Variants in DPP6 observed in about 807,000 individuals in gnomAD.
The protein encoded by DPP6 is A-type potassium channel modulatory protein DPP6.
In DPP6, 69 loss-of-function variants were observed where a neutral mutation model predicts 122.6. The observed-to-expected ratio is 0.56, with a 90% CI of 0.46 to 0.69. The LOEUF (loss-of-function observed/expected upper bound fraction) is 0.69, where lower values mean the gene tolerates loss of function less well. DPP6 is among the 30% of genes least tolerant of loss of function. The pLI is 0.00. For missense variants in DPP6, 928 were observed against 1,116.9 expected, an observed-to-expected ratio of 0.83 and a Z score of 2.41; for synonymous variants, 418 against 433.1, an observed-to-expected ratio of 0.97 and a Z score of 0.43.
chr7:154,191,566 A>G (rs1798619717), intron 1 of DPP6, among the ~76,000 whole-genome samples: 1 of 152,174 alleles, frequency 6.6e-6, no homozygotes, highest in African/African-American at 2.4e-5. Flanking sequence ...TAGGCCAAGG[A>G]TGTGTGTGCT....
chr7:154,035,602 T>C (rs1378897186), intron 1 of DPP6, among the ~76,000 whole-genome samples: 1 of 152,042 alleles, frequency 6.6e-6, no homozygotes, highest in Non-Finnish European at 1.5e-5. Context: ...TCCATCTCTC[T>C]TTATTGATAG....
At chr7:154,274,147 A>G (rs994921547) in intron 1 of DPP6, among the ~76,000 whole-genome samples, 1 of 152,158 alleles carries the variant, frequency 6.6e-6, no homozygotes, top group African/African-American at 2.4e-5. Flanking sequence ...CAGAAAACAC[A>G]TGGGTCAGTG....
intron 1 of DPP6, among the ~76,000 whole-genome samples, chr7:153,991,203 T>C (rs2533608): frequency 0.029 from 4,353 of 149,224 alleles, 77 homozygotes; most frequent in South Asian, 0.072. Context: ...AGATAGCTCA[T>C]AGCATTTGAA....
chr7:154,321,804 A>T lies in DPP6; in HGVS notation c.244-124410A>T, dbSNP rs1349822574. Among the ~76,000 whole-genome samples the T allele has an allele frequency of 2.0e-5, 3 of 147,748 alleles. No homozygotes were observed. The South Asian group carries it at 6.4e-4, about 31-fold the overall frequency. On this transcript the variant is annotated intron_variant, in intron 1 of 25. Transcript: ENST00000377770. ...TGTCTCAAAAAAAAAAAAAAAAAAA[A>T]AGAGGAAGAAATTGAACATGGCTTT...
At chr7:153,896,944 G>C (rs1412722013) in intron 1 of DPP6, among the ~76,000 whole-genome samples, 1 of 152,146 alleles carries the variant, frequency 6.6e-6, no homozygotes. Context: ...TTTTATAAGA[G>C]GGTTCTGTTT....
chr7:154,366,457 A>G (rs1226024483), intron 1 of DPP6, among the ~76,000 whole-genome samples: 1 of 152,220 alleles, frequency 6.6e-6, no homozygotes, highest in African/African-American at 2.4e-5. Context: ...TTACTTCAGA[A>G]TCGGCACAGT....
rs186718843 is a variant in DPP6, at chr7:154,732,052, T to G, written c.883+4165T>G. 1.5e-4 allele frequency among the ~76,000 whole-genome samples: 23 copies of G among 152,244 alleles called. No homozygotes were observed. In the East Asian group the frequency reaches 4.1e-3, roughly 27 times the overall value. Reference sequence around the variant, plus strand: ...TTTGTTTTTCTTTTGTTTGTTTTTTTTTTTGAGATGGAGTCTTGCTTTGTC... The same window carrying G: ...TTTGTTTTTCTTTTGTTTGTTTTTTGTTTTGAGATGGAGTCTTGCTTTGTC... On this transcript the variant is annotated intron_variant, in intron 8 of 25. Coordinates refer to ENST00000377770, the MANE Select transcript of DPP6 (RefSeq NM_130797.4).
chr7:154,223,779 A>G (rs1800439080), intron 1 of DPP6, among the ~76,000 whole-genome samples: 1 of 148,896 alleles, frequency 6.7e-6, no homozygotes, highest in South Asian at 2.1e-4. Flanking sequence ...GGGTGAGGGT[A>G]GAGTGAGGAC....
chr7:154,027,792 TTCCTCTCCC>T (rs1160239226), intron 1 of DPP6, among the ~76,000 whole-genome samples: 3 of 151,812 alleles, frequency 2.0e-5, no homozygotes, highest in Non-Finnish European at 4.4e-5. Context: ...AAATGATAAA[TTCCTCTCCC>T]TCCTCTCCTT....
intron 6 of DPP6, among the ~76,000 whole-genome samples, chr7:154,660,136 G>T (rs541674645): frequency 1.4e-4 from 21 of 152,368 alleles, no homozygotes; most frequent in African/African-American, 4.8e-4. Flanking sequence ...GCACAGGTGA[G>T]CCAGGTAATA....
At chr7:154,013,893 G>A (rs1253976735) in intron 1 of DPP6, among the ~76,000 whole-genome samples, 1 of 151,030 alleles carries the variant, frequency 6.6e-6, no homozygotes, top group Non-Finnish European at 1.5e-5. Context: ...ATCAGATCCC[G>A]GTCACATTGT....
rs1057074990 is a variant in DPP6, at chr7:154,162,145, G to T, written c.243+109082G>T. Among the ~76,000 whole-genome samples the T allele has an allele frequency of 2.7e-5, 4 of 148,948 alleles. No individual in the cohort carries two copies. The Admixed American group carries it at 2.7e-4, about 10-fold the overall frequency. On this transcript the variant is annotated intron_variant, in intron 1 of 25. Coordinates refer to ENST00000377770, the MANE Select transcript of DPP6 (RefSeq NM_130797.4). ...TCTCGAAACTCAGAGGCAGCGTGGTGTGGGGCAGAGGGCTAGCATGGGAGG... is the reference window on the plus strand; with the variant it reads ...TCTCGAAACTCAGAGGCAGCGTGGTTTGGGGCAGAGGGCTAGCATGGGAGG...
Position 154,605,456 on chromosome 7 carries a change from C to T in DPP6, c.628-32365C>T, listed in dbSNP as rs1297259571. Reference sequence around the variant, plus strand: ...TATTCAGGTATATTTCTTCCTGAGTCAATTCTAAGATTTGTTTAGAAAATT... The same window carrying T: ...TATTCAGGTATATTTCTTCCTGAGTTAATTCTAAGATTTGTTTAGAAAATT... On this transcript the variant is annotated intron_variant, in intron 5 of 25. Transcript: ENST00000377770. Among the ~76,000 whole-genome samples, 12 of 119,718 alleles carry T rather than the reference C, an allele frequency of 1.0e-4. 2 individuals carry two copies. The highest frequency in any genetic ancestry group is 1.9e-4 in the Non-Finnish European group (10 of 53,122). 78.5% of individuals were successfully genotyped at this position (119,718 alleles called of 152,430 possible). A position where few individuals can be genotyped will look rare whatever the true frequency, so the allele number is the denominator to read the frequency against.
At chr7:154,722,497 C>T (rs913200373) in intron 7 of DPP6, among the ~76,000 whole-genome samples, 3 of 152,214 alleles carry the variant, frequency 2.0e-5, no homozygotes, top group Admixed American at 2.0e-4. Flanking sequence ...GGGTCGCAGA[C>T]TAGAGATTTA....
intron 3 of DPP6, among the ~76,000 whole-genome samples, chr7:154,498,314 T>C (rs1233093122): frequency 6.6e-6 from 1 of 152,160 alleles, no homozygotes; most frequent in Non-Finnish European, 1.5e-5. Context: ...ATACAAGCAA[T>C]CAGAGATAGA....
At chr7:154,181,224 C>G (rs570196367) in intron 1 of DPP6, among the ~76,000 whole-genome samples, 22 of 152,312 alleles carry the variant, frequency 1.4e-4, no homozygotes, top group African/African-American at 5.3e-4. Context: ...TCCAGTAAAG[C>G]TTTAAGCTCC....
At chr7:153,848,086 G>A in the DPP6 span, among the ~76,000 whole-genome samples, 52 of 152,262 alleles carry the variant, frequency 3.4e-4, 1 homozygote, top group Admixed American at 9.8e-4. Context: ...CTGGTCGGGC[G>A]GATAGGGGAC....
At chr7:153,904,974 C>T (rs184410235) in intron 1 of DPP6, among the ~76,000 whole-genome samples, 8 of 152,286 alleles carry the variant, frequency 5.3e-5, no homozygotes, top group Admixed American at 6.5e-5. Context: ...AAACTGTGGA[C>T]AGCTGTGTGG....
At chr7:154,641,646 A>G (rs776963812) in intron 6 of DPP6, among the ~76,000 whole-genome samples, 1 of 150,568 alleles carries the variant, frequency 6.6e-6, no homozygotes, top group Non-Finnish European at 1.5e-5. Context: ...ACACACACAT[A>G]TACATAATAC....
Sources: allele counts gnomAD v4.1 joint callset (sites outside exome capture counted in the v4.1 genomes callset), GRCh38; gene constraint gnomAD v4.1.1; transcripts MANE v1.5; gene names NCBI Gene and HGNC (gene_info 2026-07-23, HGNC 2026-07-21).